The following UBE2E1 variants were observed in gnomAD, a reference collection of about 807,000 sequenced individuals.
The protein encoded by UBE2E1 is ubiquitin-conjugating enzyme E2 E1.
Under a neutral mutation model 21.4 loss-of-function variants are expected in UBE2E1, and 6 were observed. The observed-to-expected ratio is 0.28, with a 90% confidence interval of 0.15 to 0.55. The LOEUF (loss-of-function observed/expected upper bound fraction) is 0.55. UBE2E1 is among the 20% of genes least tolerant of loss of function. UBE2E1 has a pLI of 0.93. For synonymous variants in UBE2E1, 87 were observed against 82.7 expected, an observed-to-expected ratio of 1.05 and a Z score of -0.28; for missense variants, 142 against 236.5, an observed-to-expected ratio of 0.60 and a Z score of 2.62.
intron 3 of UBE2E1, among the ~76,000 whole-genome samples, chr3:23,882,456 C>G (rs911468488): frequency 6.6e-6 from 1 of 152,270 alleles, no homozygotes; most frequent in African/African-American, 2.4e-5. Flanking sequence ...ACTCAGGAGC[C>G]CAGTTGGCTT....
intron 3 of UBE2E1, among the ~76,000 whole-genome samples, chr3:23,861,347 A>G (rs1700551345): frequency 6.6e-6 from 1 of 152,130 alleles, no homozygotes; most frequent in Non-Finnish European, 1.5e-5. Flanking sequence ...TGATGTTTTC[A>G]GTGTTTGGAG....
At chr3:23,861,348 G>A (rs887227598) in intron 3 of UBE2E1, among the ~76,000 whole-genome samples, 2 of 152,286 alleles carry the variant, frequency 1.3e-5, no homozygotes, top group South Asian at 4.1e-4. Flanking sequence ...GATGTTTTCA[G>A]TGTTTGGAGT....
chr3:23,869,602 G>A (rs1700736939), intron 3 of UBE2E1, among the ~76,000 whole-genome samples: 1 of 151,672 alleles, frequency 6.6e-6, no homozygotes, highest in South Asian at 2.1e-4. Context: ...AATAAAAGAT[G>A]TCTCATCTGG....
chr3:23,813,467 G>A (rs774855465), intron 3 of UBE2E1, among the ~76,000 whole-genome samples: 1 of 152,074 alleles, frequency 6.6e-6, no homozygotes, highest in Non-Finnish European at 1.5e-5. Context: ...GTTTTGTGCT[G>A]TTACCTTTTG....
chr3:23,829,655 A>C (rs1699828525), intron 3 of UBE2E1, among the ~76,000 whole-genome samples: 1 of 152,150 alleles, frequency 6.6e-6, no homozygotes, highest in African/African-American at 2.4e-5. Context: ...TAGGGAGTCC[A>C]AGGAAAAGGT....
intron 3 of UBE2E1, among the ~76,000 whole-genome samples, chr3:23,833,550 C>T (rs1165763301): frequency 6.6e-6 from 1 of 152,116 alleles, no homozygotes; most frequent in Non-Finnish European, 1.5e-5. Context: ...AGTAGTTAAA[C>T]AGAGTATTAA....
At position 23,863,219 on chromosome 3, in the gene UBE2E1, G is replaced by C. The variant is rs1700591399; in HGVS notation, c.204-24348G>C. Among the ~76,000 whole-genome samples, 1 of 152,124 alleles carries C rather than the reference G, an allele frequency of 6.6e-6. No homozygotes were observed. The highest frequency in any genetic ancestry group is 2.4e-5 in the African/African-American group (1 of 41,414). On this transcript the variant is annotated intron_variant, in intron 3 of 5. Coordinates refer to ENST00000306627, the MANE Select transcript of UBE2E1 (RefSeq NM_003341.5). This position sits in a 1 kb window ranked among gnomAD's most constrained non-coding sequence, Gnocchi z 4.3. ...TAACTCTTGATTCATGACAATGGAT[G>C]ATGACAACTTAGTTCTTTCCTACCT... is the stretch of plus-strand genomic sequence containing the variant.
chr3:23,850,425 T>C (rs1258751855), intron 3 of UBE2E1, among the ~76,000 whole-genome samples: 1 of 152,192 alleles, frequency 6.6e-6, no homozygotes, highest in Non-Finnish European at 1.5e-5. Flanking sequence ...TACAAAAGTT[T>C]GTGGTTTCAA....
chr3:23,847,195 T>G (rs549337647), intron 3 of UBE2E1, among the ~76,000 whole-genome samples: 47 of 152,302 alleles, frequency 3.1e-4, no homozygotes, highest in Non-Finnish European at 6.0e-4. Flanking sequence ...CAAGATTGTC[T>G]TGGGCAAACC....
At chr3:23,886,448 G>A (rs968917767) in intron 3 of UBE2E1, among the ~76,000 whole-genome samples, 5 of 152,072 alleles carry the variant, frequency 3.3e-5, no homozygotes, top group African/African-American at 1.2e-4. Context: ...CCGCTATTCG[G>A]TTGCCCATAT....
chr3:23,875,795 C>T (rs747388667), intron 3 of UBE2E1, among the ~76,000 whole-genome samples: 1 of 152,162 alleles, frequency 6.6e-6, no homozygotes. Flanking sequence ...TTTTTTGAGA[C>T]GGAGTCTCGC....
At chr3:23,830,851 G>A (rs755784125) in intron 3 of UBE2E1, among the ~76,000 whole-genome samples, 1 of 152,108 alleles carries the variant, frequency 6.6e-6, no homozygotes, top group Non-Finnish European at 1.5e-5. Context: ...CTTCTGTTGC[G>A]GTCTTAACTG....
chr3:23,815,259 G>C (rs890480449), intron 3 of UBE2E1, among the ~76,000 whole-genome samples: 1 of 152,226 alleles, frequency 6.6e-6, no homozygotes, highest in Non-Finnish European at 1.5e-5. Flanking sequence ...TGGGATTACA[G>C]GCGTGAGCCA....
chr3:23,862,804 C>G (rs974599840), intron 3 of UBE2E1, among the ~76,000 whole-genome samples: 1 of 152,156 alleles, frequency 6.6e-6, no homozygotes, highest in Non-Finnish European at 1.5e-5. Flanking sequence ...CGGCTTACTG[C>G]AGCCTCAAAC....
At chr3:23,828,681 A>G (rs1287688942) in intron 3 of UBE2E1, among the ~76,000 whole-genome samples, 1 of 152,350 alleles carries the variant, frequency 6.6e-6, no homozygotes, top group East Asian at 1.9e-4. Context: ...TGGAGATACA[A>G]AAGTGTGATA....
At position 23,816,956 on chromosome 3, in the gene UBE2E1, T is replaced by C. The variant is rs1239794547; in HGVS notation, c.203+5446T>C. 6.6e-6 allele frequency among the ~76,000 whole-genome samples: 1 copy of C among 152,236 alleles called. No individual in the cohort carries two copies. ...ATATTGTGAATGTAATTAATGCCACTAAATTGTACACTTAAAATGGTTAAA... is the reference window on the plus strand; with the variant it reads ...ATATTGTGAATGTAATTAATGCCACCAAATTGTACACTTAAAATGGTTAAA... On this transcript the variant is annotated intron_variant, in intron 3 of 5. Transcript: ENST00000306627. This position sits in a 1 kb window ranked among gnomAD's most constrained non-coding sequence, Gnocchi z 4.8.
chr3:23,832,700 G>A (rs900244687), intron 3 of UBE2E1, among the ~76,000 whole-genome samples: 3 of 152,072 alleles, frequency 2.0e-5, no homozygotes, highest in East Asian at 1.9e-4. Flanking sequence ...TTGCCACTGC[G>A]CTCCAGCCTG....
In UBE2E1 at chr3:23,810,642, C is replaced by A; in HGVS notation, c.153-818C>A. 1.0e-6 allele frequency: 1 copy of A among 992,894 alleles called. No homozygotes were observed. Among genetic ancestry groups the A allele is most frequent in the Non-Finnish European group, 1.4e-6 (1 of 710,144 alleles). The allele number at this position is 992,894 out of a possible 1,614,324, so 61.5% of individuals were successfully genotyped here. On this transcript the variant is annotated intron_variant, in intron 2 of 5. Coordinates refer to ENST00000306627, the MANE Select transcript of UBE2E1 (RefSeq NM_003341.5). The surrounding 1 kb of genome is among the most constrained non-coding windows in gnomAD (Gnocchi z 5.8). ...GGGTCTGTGGTGCCCGAGTGGCGGG[C>A]GGGGGTGTTCGCGCCCTGCTTTCGC...
chr3:23,813,248 A>G (rs1012459386), intron 3 of UBE2E1, among the ~76,000 whole-genome samples: 25 of 152,332 alleles, frequency 1.6e-4, no homozygotes, highest in African/African-American at 6.0e-4. Context: ...CTGATTTGAG[A>G]GAAAATACGA....
Sources: gnomAD v4.1 joint callset for allele counts (sites outside exome capture counted in the v4.1 genomes callset) on GRCh38, gnomAD v4.1.1 for gene constraint, Gnocchi (gnomAD v3.1) non-coding constraint, MANE v1.5 for transcripts, NCBI Gene and HGNC (gene_info 2026-07-23, HGNC 2026-07-21) for gene names.